Variants in CNTRL observed in about 807,000 individuals in gnomAD.
CNTRL encodes the protein centriolin.
In CNTRL, 233 loss-of-function variants were observed where a neutral mutation model predicts 303.7. The observed-to-expected ratio is 0.77, with a 90% CI of 0.69 to 0.86. CNTRL has a LOEUF of 0.86. Among genes scored for constraint, CNTRL ranks in the 40% least tolerant of loss-of-function variants. CNTRL has a pLI of 0.00. For missense variants in CNTRL, 2,524 were observed against 2,650.6 expected (o/e 0.95, Z 1.05); for synonymous variants, 900 against 922.2 (o/e 0.98, Z 0.44).
At chr9:121,142,730 C>A (rs2051591818) in intron 19 of CNTRL, among the ~76,000 whole-genome samples, 1 of 152,184 alleles carries the variant, frequency 6.6e-6, no homozygotes, top group Non-Finnish European at 1.5e-5. Context: ...CCTCTGAAAT[C>A]ACAAACTGAA....
At chr9:121,159,112 A>G in intron 31 of CNTRL, 93 bp downstream of exon 31, 1 of 1,299,290 alleles carries the variant, frequency 7.7e-7, no homozygotes. Flanking sequence ...AAATGAAAAT[A>G]TAAATTCCTG....
intron 7 of CNTRL, among the ~76,000 whole-genome samples, chr9:121,099,321 A>C (rs571601395): frequency 3.3e-5 from 5 of 152,348 alleles, no homozygotes; most frequent in African/African-American, 1.2e-4. Flanking sequence ...GAACTCCAAC[A>C]GACCTGCAGC....
At position 121,170,205 on chromosome 9, in the gene CNTRL, G is replaced by C. The variant is rs111488540; in HGVS notation, c.6276+389G>C. 9.2e-3 allele frequency among the ~76,000 whole-genome samples: 1,403 copies of C among 152,244 alleles called. 26 individuals carry two copies. The highest frequency in any genetic ancestry group is 0.032 in the African/African-American group (1,332 of 41,536). ...TGTCTCCCATGCTAGATTGAGTGGC[G>C]CAATCTCAGCTCACTGCAGCCTCTG... On this transcript the variant is annotated intron_variant, in intron 39 of 43. Coordinates refer to ENST00000373855, the MANE Select transcript of CNTRL (RefSeq NM_007018.6).
chr9:121,146,291 A>T, intron 23 of CNTRL, 35 bp downstream of exon 23: 1 of 1,573,996 alleles, frequency 6.4e-7, no homozygotes, highest in Non-Finnish European at 8.6e-7. Context: ...TGTATACTGA[A>T]TTTTCTTGAA....
At chr9:121,170,368 T>A (rs1478923126) in intron 39 of CNTRL, among the ~76,000 whole-genome samples, 1 of 152,168 alleles carries the variant, frequency 6.6e-6, no homozygotes, top group Non-Finnish European at 1.5e-5. Flanking sequence ...AGTCCTGAAC[T>A]CCTGACCTCA....
chr9:121,101,990 C>T (rs2049196368), intron 7 of CNTRL, among the ~76,000 whole-genome samples: 1 of 152,172 alleles, frequency 6.6e-6, no homozygotes, highest in Non-Finnish European at 1.5e-5. Context: ...GAGCTGGTAC[C>T]ATTCCTTCTG....
intron 40 of CNTRL, among the ~76,000 whole-genome samples, chr9:121,172,538 G>A (rs1469871181): frequency 6.6e-6 from 1 of 152,138 alleles, no homozygotes; most frequent in Non-Finnish European, 1.5e-5. Context: ...CTATTCGGGA[G>A]GCTGAGGGGG....
At chr9:121,125,660 C>A in intron 13 of CNTRL, 56 bp from the exon 14 acceptor site, 3 of 1,414,844 alleles carry the variant, frequency 2.1e-6, no homozygotes, top group Non-Finnish European at 3.0e-6. Flanking sequence ...AAATGCTGAG[C>A]AGACAATGCA....
At chr9:121,176,762 C>A (rs1054491057) in intron 43 of CNTRL, among the ~76,000 whole-genome samples, 1 of 152,158 alleles carries the variant, frequency 6.6e-6, no homozygotes, top group Non-Finnish European at 1.5e-5. Flanking sequence ...AGGGGGCTGG[C>A]TTCTGAGCGT....
chr9:121,164,839 TTTA>T, intron 34 of CNTRL, 101 bp from the exon 35 acceptor site: 1 of 783,116 alleles, frequency 1.3e-6, no homozygotes, highest in South Asian at 3.2e-5. Context: ...TTTATAATCA[TTTA>T]TACTTTCCAT....
chr9:121,088,319 T>G lies in CNTRL; in HGVS notation c.-8T>G. The G allele has an allele frequency of 6.3e-7, 1 of 1,582,320 alleles. No homozygotes were observed. The highest frequency in any genetic ancestry group is 8.7e-7 in the Non-Finnish European group (1 of 1,151,894). ...AGGTTTTGATGAACACCTGGCTTTA[T>G]TCTTGCAATGAAGAAAGGTTCTCAA... is the stretch of plus-strand genomic sequence containing the variant. On this transcript the variant is annotated 5_prime_UTR_variant, in exon 3 of 44. The change creates a premature stop within an existing upstream ORF in the 5' untranslated region. Transcript: ENST00000373855.
chr9:121,142,379 A>AT, intron 19 of CNTRL, 109 bp downstream of exon 19: 1 of 946,808 alleles, frequency 1.1e-6, no homozygotes, highest in Non-Finnish European at 1.5e-6. Context: ...CTCTGGCTGC[A>AT]TTGCTGGCAC....
At chr9:121,168,395 A>G in intron 38 of CNTRL, 74 bp downstream of exon 38, 1 of 1,376,778 alleles carries the variant, frequency 7.3e-7, no homozygotes, top group Admixed American at 1.8e-5. Flanking sequence ...AAAAGTATTT[A>G]AAGAGATCCG....
In CNTRL at chr9:121,157,828, A is replaced by G; in HGVS notation, c.4585A>G (p.Lys1529Glu). 1.2e-6 allele frequency: 2 copies of G among 1,614,244 alleles called. No individual in the cohort carries two copies. Among genetic ancestry groups the G allele is most frequent in the Non-Finnish European group, 1.7e-6 (2 of 1,180,036 alleles). The change falls in exon 29 of 44, where the codon AAA becomes GAA. Residue 1529 changes from lysine (K) to glutamate (E), a missense_variant. Lys to Glu is a moderately conservative substitution (Grantham distance 56). Transcript: ENST00000373855. ...LKEINKIVAA[K>E]DSDFQCLSKK... ...AGAAATAAACAAAATTGTAGCAGCAAAAGACTCAGACTTCCAATGTTTAAG... is the reference window on the plus strand; with the variant it reads ...AGAAATAAACAAAATTGTAGCAGCAGAAGACTCAGACTTCCAATGTTTAAG...
At chr9:121,102,471 C>T (rs1023921010) in intron 7 of CNTRL, among the ~76,000 whole-genome samples, 2 of 152,118 alleles carry the variant, frequency 1.3e-5, no homozygotes, top group Non-Finnish European at 2.9e-5. Context: ...GGAAGCATTC[C>T]CTTTGAAAAC....
chr9:121,123,717 T>G (rs1255168475), intron 12 of CNTRL, among the ~76,000 whole-genome samples: 2 of 152,212 alleles, frequency 1.3e-5, no homozygotes, highest in East Asian at 3.8e-4. Context: ...GATCCTCAGT[T>G]TTCTCACCTG....
chr9:121,122,517 C>T (rs2050286624), intron 12 of CNTRL: 4 of 428,362 alleles, frequency 9.3e-6, no homozygotes, highest in Non-Finnish European at 1.2e-5. Context: ...CTGACTGATA[C>T]AGTTCCCTCT....
chr9:121,089,512 T>C (rs367966231), intron 3 of CNTRL, among the ~76,000 whole-genome samples: 8 of 152,158 alleles, frequency 5.3e-5, no homozygotes, highest in Non-Finnish European at 1.2e-4. Flanking sequence ...AAGACCAGAT[T>C]TGCCATCCAT....
chr9:121,081,687 G>A (rs75882724), intron 2 of CNTRL, among the ~76,000 whole-genome samples: 19,546 of 152,236 alleles, frequency 0.13, 1,385 homozygotes, highest in East Asian at 0.18. Flanking sequence ...GGCAAGGTAC[G>A]TGGAAAGGGG....
Sources: gnomAD v4.1 joint callset for allele counts (sites outside exome capture counted in the v4.1 genomes callset) on GRCh38, gnomAD v4.1.1 for gene constraint, MANE v1.5 for transcripts, NCBI Gene and HGNC (gene_info 2026-07-23, HGNC 2026-07-21) for gene names.